The following FBXO16 variants were observed in gnomAD, a reference collection of about 807,000 sequenced individuals.
FBXO16 encodes F-box protein 16, also known as F-box only protein 16.
FBXO16 carries 31 observed loss-of-function variants against 41.0 expected under a neutral mutation model. The observed-to-expected ratio is 0.76, with a 90% CI of 0.57 to 1.02. The LOEUF (loss-of-function observed/expected upper bound fraction) is 1.02. Among genes scored for constraint, FBXO16 ranks in the 50% least tolerant of loss-of-function variants. FBXO16 has a pLI of 0.00. For synonymous variants in FBXO16, 133 were observed against 117.8 expected (o/e 1.13, Z -0.84); for missense variants, 361 against 346.2 (o/e 1.04, Z -0.34).
At chr8:28,442,506 C>T (rs1802796773) in intron 7 of FBXO16, among the ~76,000 whole-genome samples, 1 of 152,076 alleles carries the variant, frequency 6.6e-6, no homozygotes, top group Admixed American at 6.6e-5. Context: ...ACCCCAGTCT[C>T]CCAAGTAGCT....
chr8:28,438,508 C>G (rs1246848793), intron 7 of FBXO16, among the ~76,000 whole-genome samples: 1 of 152,140 alleles, frequency 6.6e-6, no homozygotes, highest in Non-Finnish European at 1.5e-5. Flanking sequence ...TCAGCCACAG[C>G]TCACCATCAG....
chr8:28,461,486 A>G (rs959540988), intron 4 of FBXO16, among the ~76,000 whole-genome samples: 6 of 152,186 alleles, frequency 3.9e-5, no homozygotes, highest in African/African-American at 1.2e-4. Context: ...TATTCTAGAG[A>G]CATCTGCATT....
rs534878237 is a variant in FBXO16, at chr8:28,486,672, C to A, written c.-16-3210G>T. Among the ~76,000 whole-genome samples, 1,012 of 151,586 alleles carry A rather than the reference C, an allele frequency of 6.7e-3. 14 individuals are homozygous for A. Among genetic ancestry groups the A allele is most frequent in the Non-Finnish European group, 9.9e-3 (670 of 67,848 alleles). ...CTTATCTCTACACAAAGTAAAAAAA[C>A]CAAAAAATTAGCTGGGCTTAGTGGT... On this transcript the variant is annotated intron_variant, in intron 1 of 8. Transcript: ENST00000380254.
intron 7 of FBXO16, among the ~76,000 whole-genome samples, chr8:28,432,786 G>A (rs553757477): frequency 1.3e-5 from 2 of 152,228 alleles, no homozygotes; most frequent in South Asian, 4.1e-4. Flanking sequence ...GCCAGGCATG[G>A]TGGCTCACGC....
At chr8:28,432,547 C>T (rs1334566452) in intron 7 of FBXO16, among the ~76,000 whole-genome samples, 1 of 152,172 alleles carries the variant, frequency 6.6e-6, no homozygotes, top group African/African-American at 2.4e-5. Context: ...CTTCCCTAGT[C>T]TTTCAATGGC....
intron 7 of FBXO16, among the ~76,000 whole-genome samples, chr8:28,434,317 G>A (rs946941756): frequency 2.6e-5 from 4 of 152,138 alleles, no homozygotes; most frequent in African/African-American, 4.8e-5. Context: ...ATCTGCAAAC[G>A]ATCACTGATG....
chr8:28,468,521 C>A (rs989565119), intron 3 of FBXO16, among the ~76,000 whole-genome samples: 1 of 152,184 alleles, frequency 6.6e-6, no homozygotes, highest in Admixed American at 6.5e-5. Context: ...AGTGTAAATA[C>A]GTTTTTGTCT....
At chr8:28,460,021 A>G (rs62502432) in intron 4 of FBXO16, among the ~76,000 whole-genome samples, 54,259 of 151,268 alleles carry the variant, frequency 0.36, 10,354 homozygotes, top group East Asian at 0.52. Flanking sequence ...GCAAGACTTC[A>G]TCTCAAAAAA....
intron 5 of FBXO16, among the ~76,000 whole-genome samples, chr8:28,456,224 A>G (rs1487150875): frequency 6.6e-6 from 1 of 152,316 alleles, no homozygotes; most frequent in African/African-American, 2.4e-5. Context: ...TGCATTATTT[A>G]CTTTTTATGA....
rs7016831 is a variant in FBXO16 at position 28,447,250 on chromosome 8, G to T, written c.764C>A (p.Thr255Asn). The T allele has an allele frequency of 0.047, 75,232 of 1,612,512 alleles. 3,352 individuals are homozygous for T. Among genetic ancestry groups the T allele is most frequent in the African/African-American group, 0.23 (17,446 of 74,838 alleles). Residue 255 changes from threonine to asparagine, a missense_variant, in exon 7 of 9, where the codon ACC becomes AAC. By Grantham distance (65) the Thr-to-Asn change is moderately conservative. Transcript: ENST00000380254. ...QQGRRKRNQM[T>N]PDFSRQSHDK... ...ATGTGACTGTCGGCTGAAGTCTGGG[G>T]TCATTTGGTTTCTTTTTCTTCTTCT...
intron 1 of FBXO16, among the ~76,000 whole-genome samples, chr8:28,486,927 A>G (rs558266334): frequency 1.3e-5 from 2 of 152,084 alleles, no homozygotes; most frequent in Admixed American, 6.5e-5. Flanking sequence ...GATGAAAGCT[A>G]TGAATTCTCC....
At chr8:28,479,270 C>G (rs985915507) in intron 2 of FBXO16, among the ~76,000 whole-genome samples, 1 of 152,174 alleles carries the variant, frequency 6.6e-6, no homozygotes, top group African/African-American at 2.4e-5. Context: ...CAACTTCTTC[C>G]TTTGCCCTGC....
intron 4 of FBXO16, among the ~76,000 whole-genome samples, chr8:28,459,359 T>G (rs931775179): frequency 1.3e-5 from 2 of 152,150 alleles, no homozygotes; most frequent in African/African-American, 4.8e-5. Flanking sequence ...GGCTCACGCT[T>G]GTAATCCCAG....
chr8:28,452,354 G>A lies in FBXO16; in HGVS notation c.630C>T (p.Asn210=). 2 of 1,614,202 alleles carry A rather than the reference G, an allele frequency of 1.2e-6. No individual in the cohort carries two copies. Among genetic ancestry groups the A allele is most frequent in the South Asian group, 2.2e-5 (2 of 91,090 alleles). Residue 210 remains asparagine, a synonymous_variant, in exon 6 of 9, where the codon AAC becomes AAT. Transcript: ENST00000380254. ...AGGGTGGAAGTGCTTTCTCCCCTGAGTTATTCTTCTTTCTTAAAGAGGAAG... is the reference window on the plus strand; with the variant it reads ...AGGGTGGAAGTGCTTTCTCCCCTGAATTATTCTTCTTTCTTAAAGAGGAAG... The part of the protein sequence containing the change: ...RSSSSLRKKN[N]SGEKALPPWR...
At chr8:28,459,105 T>C (rs150582063) in intron 4 of FBXO16, among the ~76,000 whole-genome samples, 208 of 152,304 alleles carry the variant, frequency 1.4e-3, no homozygotes, top group African/African-American at 4.9e-3. Flanking sequence ...AATATTATCC[T>C]TGTGGAAAAT....
intron 4 of FBXO16, among the ~76,000 whole-genome samples, chr8:28,460,247 T>TATATATATATATATA (rs57422429): frequency 1.9e-5 from 1 of 53,362 alleles, no homozygotes; most frequent in Non-Finnish European, 3.1e-5. Flanking sequence ...ATATATATAT[T>TATATATATATATATA]TTTTTTTTTT....
intron 7 of FBXO16, among the ~76,000 whole-genome samples, chr8:28,442,680 A>G (rs1208842722): frequency 1.3e-5 from 2 of 151,980 alleles, no homozygotes; most frequent in Admixed American, 1.3e-4. Flanking sequence ...CACCTCGCCC[A>G]GCCCATCTTT....
rs114274125 is a variant in FBXO16, at chr8:28,482,143, T to C, written c.99+1205A>G. 2.7e-3 allele frequency among the ~76,000 whole-genome samples: 404 copies of C among 152,330 alleles called. 2 individuals are homozygous for C. Among genetic ancestry groups the C allele is most frequent in the African/African-American group, 9.4e-3 (392 of 41,572 alleles). Reference sequence around the variant, plus strand: ...AGTTGTTTTTGACCCAAGAATCTCATCTTTTATTGTGAAACAGCAGAGTCT... The same window carrying C: ...AGTTGTTTTTGACCCAAGAATCTCACCTTTTATTGTGAAACAGCAGAGTCT... On this transcript the variant is annotated intron_variant, in intron 2 of 8. Transcript: ENST00000380254.
At chr8:28,463,330 GTGTT>G (rs1244504617) in intron 4 of FBXO16, among the ~76,000 whole-genome samples, 2 of 151,692 alleles carry the variant, frequency 1.3e-5, no homozygotes, top group African/African-American at 4.8e-5. Context: ...ATGTGTATGT[GTGTT>G]TGTGTGTATA....
Sources: allele counts gnomAD v4.1 joint callset (sites outside exome capture counted in the v4.1 genomes callset), GRCh38; gene constraint gnomAD v4.1.1; transcripts MANE v1.5; gene names NCBI Gene and HGNC (gene_info 2026-07-23, HGNC 2026-07-21).